Variants in SPMAP2L observed in about 807,000 individuals in gnomAD.
SPMAP2L encodes sperm microtubule associated protein 2 like.
the SPMAP2L span, among the ~76,000 whole-genome samples, chr4:56,549,222 C>T: frequency 1.2e-4 from 18 of 152,032 alleles, no homozygotes; most frequent in Non-Finnish European, 2.1e-4. Context: ...CTCCTGACCT[C>T]GTGATCTGCC....
chr4:56,590,400 T>G, the SPMAP2L span, among the ~76,000 whole-genome samples: 3 of 152,250 alleles, frequency 2.0e-5, no homozygotes, highest in Non-Finnish European at 4.4e-5. Context: ...GTTCATTCAA[T>G]GTGCAAGATA....
the SPMAP2L span, among the ~76,000 whole-genome samples, chr4:56,573,384 G>C: frequency 1.3e-5 from 2 of 152,126 alleles, no homozygotes; most frequent in Admixed American, 6.5e-5. Flanking sequence ...GCATTTGGTG[G>C]TTGCCATTCC....
the SPMAP2L span, among the ~76,000 whole-genome samples, chr4:56,613,009 C>A: frequency 6.6e-6 from 1 of 152,132 alleles, no homozygotes; most frequent in African/African-American, 2.4e-5. Context: ...TGCTCCATCT[C>A]ATCACAGCCA....
chr4:56,599,565 G>A, the SPMAP2L span, among the ~76,000 whole-genome samples: 50 of 151,966 alleles, frequency 3.3e-4, no homozygotes, highest in Admixed American at 1.4e-3. Context: ...ACCCCCTGCC[G>A]CTGACAGGCC....
the SPMAP2L span, among the ~76,000 whole-genome samples, chr4:56,598,197 GAGT>G: frequency 6.6e-6 from 1 of 152,182 alleles, no homozygotes; most frequent in Admixed American, 6.5e-5. Flanking sequence ...ATTTAAAAGA[GAGT>G]AGTAGATGTC....
the SPMAP2L span, chr4:56,594,263 C>A: frequency 2.5e-6 from 4 of 1,577,684 alleles, no homozygotes; most frequent in East Asian, 2.2e-5. Context: ...AAATATTGTC[C>A]GGTATATGAA....
At chr4:56,559,661 A>C in the SPMAP2L span, 1 of 807,708 alleles carries the variant, frequency 1.2e-6, no homozygotes. Context: ...TCCGCCTCCC[A>C]GGTTCATGCG....
the SPMAP2L span, among the ~76,000 whole-genome samples, chr4:56,560,392 C>G: frequency 6.6e-6 from 1 of 152,148 alleles, no homozygotes; most frequent in Non-Finnish European, 1.5e-5. Flanking sequence ...CCATTGTTGC[C>G]CAATGTCCTG....
the SPMAP2L span, among the ~76,000 whole-genome samples, chr4:56,622,177 T>G: frequency 2.0e-5 from 3 of 152,250 alleles, no homozygotes; most frequent in Admixed American, 6.5e-5. Context: ...GCCTATTAAT[T>G]TTTTTACAAA....
the SPMAP2L span, among the ~76,000 whole-genome samples, chr4:56,572,970 C>T: frequency 4.0e-5 from 6 of 150,670 alleles, no homozygotes; most frequent in South Asian, 2.1e-4. Context: ...GAGCTGAGAT[C>T]GCACCACTGC....
At chr4:56,621,583 G>A in the SPMAP2L span, among the ~76,000 whole-genome samples, 1 of 152,184 alleles carries the variant, frequency 6.6e-6, no homozygotes, top group Non-Finnish European at 1.5e-5. Flanking sequence ...GAATCTGCTT[G>A]TACATAGGAA....
the SPMAP2L span, among the ~76,000 whole-genome samples, chr4:56,541,152 T>C: frequency 1.3e-5 from 2 of 152,222 alleles, no homozygotes; most frequent in African/African-American, 4.8e-5. Flanking sequence ...TTAATATAAC[T>C]GCTTAATTTG....
At chr4:56,618,891 C>T in the SPMAP2L span, among the ~76,000 whole-genome samples, 14 of 152,114 alleles carry the variant, frequency 9.2e-5, no homozygotes, top group South Asian at 2.1e-4. Context: ...GAGTTCTGTA[C>T]GTTATCTGTG....
chr4:56,576,293 A>G, the SPMAP2L span, among the ~76,000 whole-genome samples: 1 of 152,192 alleles, frequency 6.6e-6, no homozygotes, highest in Admixed American at 6.5e-5. Context: ...AAAAATAATT[A>G]AGAGAAATGA....
At chr4:56,547,382 A>C in the SPMAP2L span, among the ~76,000 whole-genome samples, 2 of 151,902 alleles carry the variant, frequency 1.3e-5, no homozygotes, top group African/African-American at 4.8e-5. Flanking sequence ...AGTAGCTGGG[A>C]TTACAGGCAC....
chr4:56,537,978 C>T, the SPMAP2L span, among the ~76,000 whole-genome samples: 1 of 152,166 alleles, frequency 6.6e-6, no homozygotes, highest in Admixed American at 6.5e-5. Flanking sequence ...CAGGCGTGAG[C>T]CACCGTGCCT....
chr4:56,604,045 T>C, the SPMAP2L span, among the ~76,000 whole-genome samples: 36,065 of 152,000 alleles, frequency 0.24, 4,417 homozygotes, highest in East Asian at 0.41. Context: ...CTAACTTTTA[T>C]GGGGCATATC....
At chr4:56,575,882 G>T in the SPMAP2L span, among the ~76,000 whole-genome samples, 3 of 152,274 alleles carry the variant, frequency 2.0e-5, no homozygotes, top group African/African-American at 7.2e-5. Context: ...ACCATTGTTA[G>T]CCAGTTAAAA....
chr4:56,592,566 A>G, the SPMAP2L span, among the ~76,000 whole-genome samples: 1 of 152,198 alleles, frequency 6.6e-6, no homozygotes, highest in Non-Finnish European at 1.5e-5. Flanking sequence ...TCCAGGCTGG[A>G]CGCAGCCGCC....
Sources: gnomAD v4.1 joint callset for allele counts (sites outside exome capture counted in the v4.1 genomes callset) on GRCh38, gnomAD v4.1.1 for gene constraint, MANE v1.5 for transcripts, NCBI Gene and HGNC (gene_info 2026-07-23, HGNC 2026-07-21) for gene names.